TMX3: variants seen among roughly 807,000 people sequenced by gnomAD.
The protein encoded by TMX3 is protein disulfide-isomerase TMX3.
TMX3 carries 40 observed loss-of-function variants against 64.4 expected under a neutral mutation model. That is an observed-to-expected ratio of 0.62 (90% CI 0.48 to 0.81). The LOEUF (loss-of-function observed/expected upper bound fraction) is 0.81, where lower values mean the gene tolerates loss of function less well. Among genes scored for constraint, TMX3 ranks in the 30% least tolerant of loss-of-function variants. TMX3 has a pLI of 0.00. For missense variants in TMX3, 497 were observed against 534.5 expected (o/e 0.93, Z 0.69); for synonymous variants, 189 against 175.7 (o/e 1.08, Z -0.60).
intron 5 of TMX3, among the ~76,000 whole-genome samples, chr18:68,701,395 C>G (rs898888892): frequency 1.1e-4 from 16 of 152,084 alleles, no homozygotes; most frequent in African/African-American, 3.9e-4. Flanking sequence ...TGATCAACAC[C>G]TACAGATTAG....
chr18:68,676,884 A>G lies in TMX3; in HGVS notation c.*49T>C. 1 of 1,560,204 alleles carries G rather than the reference A, an allele frequency of 6.4e-7. No homozygotes were observed. Among genetic ancestry groups the G allele is most frequent in the Admixed American group, 2.0e-5 (1 of 51,154 alleles). On this transcript the variant is annotated 3_prime_UTR_variant, in exon 16 of 16. Coordinates refer to ENST00000299608, the MANE Select transcript of TMX3 (RefSeq NM_019022.5). The stretch of plus-strand genomic sequence containing the variant: ...TTAAATGTCTAAATTCAATAAATAG[A>G]CTCTTTAATAATTTGAAGTCCTAAC...
chr18:68,692,360 T>G (rs72955908), intron 8 of TMX3, among the ~76,000 whole-genome samples: 2,088 of 152,290 alleles, frequency 0.014, 12 homozygotes, highest in Middle Eastern at 0.051. Context: ...GTCTCACATA[T>G]TCTGAAGCTC....
intron 13 of TMX3, 92 bp from the exon 14 acceptor site, chr18:68,681,202 G>T (rs777264469): frequency 8.8e-7 from 1 of 1,141,338 alleles, no homozygotes; most frequent in Non-Finnish European, 1.2e-6. Flanking sequence ...CATAATTATA[G>T]AAGCTATTTA....
At chr18:68,692,320 T>C (rs1042827013) in intron 8 of TMX3, among the ~76,000 whole-genome samples, 1 of 152,180 alleles carries the variant, frequency 6.6e-6, no homozygotes, top group African/African-American at 2.4e-5. Flanking sequence ...AGAACACAAA[T>C]GATACAGTCT....
At chr18:68,708,535 G>A (rs906915609) in intron 4 of TMX3, among the ~76,000 whole-genome samples, 14 of 151,988 alleles carry the variant, frequency 9.2e-5, no homozygotes, top group Admixed American at 5.2e-4. Flanking sequence ...GAAAATTACC[G>A]TTTCCATTGT....
chr18:68,709,483 G>T (rs1327292910), intron 4 of TMX3, among the ~76,000 whole-genome samples: 1 of 152,060 alleles, frequency 6.6e-6, no homozygotes, highest in Admixed American at 6.6e-5. Flanking sequence ...TTATAAAAAT[G>T]GGTAGTAGGA....
At chr18:68,684,094 A>C in intron 12 of TMX3, 96 bp downstream of exon 12, 1 of 867,554 alleles carries the variant, frequency 1.2e-6, no homozygotes, top group South Asian at 1.6e-5. Context: ...TCTTTGATTC[A>C]CCTCTAAAAG....
chr18:68,701,879 A>C, intron 4 of TMX3, 89 bp from the exon 5 acceptor site: 1 of 1,024,674 alleles, frequency 9.8e-7, no homozygotes, highest in Admixed American at 2.2e-5. Context: ...AAAAATAGAG[A>C]TATTTATACA....
intron 9 of TMX3, among the ~76,000 whole-genome samples, chr18:68,690,137 C>G (rs1914374949): frequency 6.6e-6 from 1 of 152,044 alleles, no homozygotes; most frequent in African/African-American, 2.4e-5. Flanking sequence ...TGAATTATTT[C>G]AGCAATTAAA....
chr18:68,687,211 T>C, intron 10 of TMX3: 1 of 985,454 alleles, frequency 1.0e-6, no homozygotes, highest in Non-Finnish European at 1.2e-6. Flanking sequence ...CAGCTTTCAT[T>C]TTTGTATTCG....
chr18:68,705,244 G>GAATT lies in TMX3; in HGVS notation c.266-3458_266-3455dup, dbSNP rs572402268. Among the ~76,000 whole-genome samples the GAATT allele has an allele frequency of 5.4e-3, 814 of 152,120 alleles. 3 individuals are homozygous for GAATT. Among genetic ancestry groups the GAATT allele is most frequent in the Non-Finnish European group, 8.5e-3 (575 of 67,996 alleles). ...TCCAACTCCCAACAATAACCCCACA[G>GAATT]AATTATCTGGTCCAAAATGTCAATA... On this transcript the variant is annotated intron_variant, in intron 4 of 15. Transcript: ENST00000299608.
Position 68,711,356 on chromosome 18 carries a change from A to T in TMX3, c.141+8T>A, listed in dbSNP as rs753031271. On this transcript the variant is annotated splice_region_variant and intron_variant, in intron 3 of 15. Transcript: ENST00000299608. ...TGGGTAATTAGCATATAAAATTTAC[A>T]TACTTACATCTACAAGCCAAATGTC... 3.8e-6 allele frequency: 6 copies of T among 1,578,994 alleles called. No homozygotes were observed. Among genetic ancestry groups the T allele is most frequent in the Non-Finnish European group, 5.2e-6 (6 of 1,158,476 alleles).
chr18:68,700,512 C>T lies in TMX3; in HGVS notation c.312-27G>A. 3 of 1,312,288 alleles carry T rather than the reference C, an allele frequency of 2.3e-6. No individual in the cohort carries two copies. In the East Asian group the frequency reaches 7.1e-5, roughly 31 times the overall value. The allele number at this position is 1,312,288 out of a possible 1,614,324, so 81.3% of individuals were successfully genotyped here. ...TTTAAAAAAAAAAAAAAATTAAAAC[C>T]TGGATTGTTCTAACAGTTTTAATAT... On this transcript the variant is annotated intron_variant, in intron 5 of 15. Coordinates refer to ENST00000299608, the MANE Select transcript of TMX3 (RefSeq NM_019022.5).
chr18:68,692,137 T>C (rs982906335), intron 8 of TMX3, among the ~76,000 whole-genome samples: 4 of 152,166 alleles, frequency 2.6e-5, no homozygotes, highest in African/African-American at 7.2e-5. Context: ...AAAAATGATA[T>C]AGCACTATGA....
intron 1 of TMX3, chr18:68,714,522 G>A (rs1340819369): frequency 8.4e-6 from 2 of 239,104 alleles, no homozygotes; most frequent in Non-Finnish European, 1.6e-5. Flanking sequence ...ATCTGTCCTC[G>A]ACCACCCTCT....
chr18:68,691,056 C>T (rs995127887), intron 9 of TMX3: 22 of 376,844 alleles, frequency 5.8e-5, no homozygotes, highest in East Asian at 5.2e-4. Context: ...TCCTCAAAAA[C>T]GCATATAATT....
Position 68,698,012 on chromosome 18 carries a change from G to T in TMX3, c.412C>A (p.Pro138Thr). 6.2e-7 allele frequency: 1 copy of T among 1,611,140 alleles called. No homozygotes were observed. The highest frequency in any genetic ancestry group is 8.5e-7 in the Non-Finnish European group (1 of 1,179,414). Reference protein sequence around the residue: ...RVSGALIRPLPSQQMFEHMQK... With the variant: ...RVSGALIRPLTSQQMFEHMQK... ...ATATGTTCAAACATTTGTTGACTTG[G>T]AAGTGGCCGAATTAGAGCCCTGTTG... is the stretch of plus-strand genomic sequence containing the variant. Residue 138 changes from proline (P) to threonine (T), a missense_variant, in exon 7 of 16, where the codon CCA becomes ACA. Pro to Thr is a conservative substitution (Grantham distance 38). Around this residue, in one of 3 missense-constraint regions of TMX3, gnomAD observed 360 missense variants for 383.5 expected, o/e 0.94. Transcript: ENST00000299608.
At position 68,687,908 on chromosome 18, in the gene TMX3, AT is replaced by A. The variant is rs1276260087; in HGVS notation, c.638-144del. On this transcript the variant is annotated intron_variant, in intron 9 of 15. Coordinates refer to ENST00000299608, the MANE Select transcript of TMX3 (RefSeq NM_019022.5). ...TTGTTTTTAGGAATTTATTGCAAGC[AT>A]ACAATCAAATGTACAGAAGGATTAA... 4 of 489,720 alleles carry A rather than the reference AT, an allele frequency of 8.2e-6. No homozygotes were observed. The African/African-American group carries it at 1.1e-4, about 13-fold the overall frequency. The allele number at this position is 489,720 out of a possible 1,614,324, so 30.3% of individuals were successfully genotyped here. A position where few individuals can be genotyped will look rare whatever the true frequency, so the allele number is the denominator to read the frequency against.
intron 9 of TMX3, 54 bp from the exon 10 acceptor site, chr18:68,687,819 T>C: frequency 7.3e-7 from 1 of 1,376,094 alleles, no homozygotes; most frequent in Non-Finnish European, 1.0e-6. Context: ...ATTTAAGAGT[T>C]ATAATAGCTT....
Sources: allele counts gnomAD v4.1 joint callset (sites outside exome capture counted in the v4.1 genomes callset), GRCh38; gene constraint gnomAD v4.1.1; regional missense constraint gnomAD v4.1.1; transcripts MANE v1.5; gene names NCBI Gene and HGNC (gene_info 2026-07-23, HGNC 2026-07-21).